Variants in CA10 observed in about 807,000 individuals in gnomAD.
CA10 encodes carbonic anhydrase 10 (inactive).
In CA10, 14 loss-of-function variants were observed where a neutral mutation model predicts 44.2. That is an observed-to-expected ratio of 0.32 (90% CI 0.21 to 0.50). CA10 has a LOEUF of 0.50. CA10 is among the 20% of genes least tolerant of loss of function. The pLI, the probability that CA10 is intolerant of heterozygous loss-of-function variation, is 0.99. For missense variants in CA10, 350 were observed against 409.7 expected, an observed-to-expected ratio of 0.85 and a Z score of 1.26; for synonymous variants, 159 against 141.6, an observed-to-expected ratio of 1.12 and a Z score of -0.87.
At chr17:51,792,150 G>A (rs56328387) in intron 3 of CA10, among the ~76,000 whole-genome samples, 28,786 of 152,128 alleles carry the variant, frequency 0.19, 3,213 homozygotes, top group Middle Eastern at 0.33. Context: ...TAGAAGAGAA[G>A]GATATTACTT....
Position 52,084,283 on chromosome 17 carries a change from T to C in CA10, c.62-11890A>G, listed in dbSNP as rs753712599. Among the ~76,000 whole-genome samples the C allele has an allele frequency of 1.1e-4, 16 of 152,244 alleles. No individual in the cohort carries two copies. In the South Asian group the frequency reaches 1.9e-3, roughly 18 times the overall value. On this transcript the variant is annotated intron_variant, in intron 1 of 8. Transcript: ENST00000451037. Reference sequence around the variant, plus strand: ...GGGACATAAAGCCACATGCAAACCATAGGAAAAGGCCAGGGCAGATTTATT... The same window carrying C: ...GGGACATAAAGCCACATGCAAACCACAGGAAAAGGCCAGGGCAGATTTATT...
At chr17:52,054,426 G>A (rs1376313275) in intron 2 of CA10, among the ~76,000 whole-genome samples, 2 of 152,060 alleles carry the variant, frequency 1.3e-5, no homozygotes, top group East Asian at 3.9e-4. Context: ...GACAATGCGT[G>A]CCCGAAACTT....
At chr17:51,779,989 G>A (rs1356885202) in intron 3 of CA10, among the ~76,000 whole-genome samples, 3 of 152,184 alleles carry the variant, frequency 2.0e-5, no homozygotes, top group Admixed American at 1.3e-4. Context: ...TGGATGCTGA[G>A]TGAGTAGTGT....
chr17:51,926,001 T>C (rs1982413628), intron 3 of CA10, among the ~76,000 whole-genome samples: 2 of 152,078 alleles, frequency 1.3e-5, no homozygotes, highest in Admixed American at 6.6e-5. Flanking sequence ...ATAAAAAAGT[T>C]ACAAAAATGC....
chr17:51,854,981 A>G (rs1978974468), intron 3 of CA10, among the ~76,000 whole-genome samples: 1 of 152,298 alleles, frequency 6.6e-6, no homozygotes, highest in Admixed American at 6.5e-5. Context: ...GTAACTCCAG[A>G]GTCAGTGCTC....
At chr17:51,896,118 T>C (rs1451093623) in intron 3 of CA10, among the ~76,000 whole-genome samples, 1 of 152,066 alleles carries the variant, frequency 6.6e-6, no homozygotes, top group Non-Finnish European at 1.5e-5. Context: ...GGTTCAGGGG[T>C]ACATGTGCAG....
chr17:51,970,094 A>G (rs1288440219), intron 2 of CA10, among the ~76,000 whole-genome samples: 1 of 152,010 alleles, frequency 6.6e-6, no homozygotes, highest in Non-Finnish European at 1.5e-5. Context: ...TTTTACTCCA[A>G]ATAGAATTTT....
intron 2 of CA10, among the ~76,000 whole-genome samples, chr17:52,037,015 G>C (rs1403948932): frequency 2.0e-5 from 3 of 152,112 alleles, no homozygotes. Flanking sequence ...GCATTCTAAG[G>C]TCTCCATTAT....
chr17:52,144,043 A>G (rs1989535308), intron 1 of CA10, among the ~76,000 whole-genome samples: 1 of 152,220 alleles, frequency 6.6e-6, no homozygotes, highest in African/African-American at 2.4e-5. Context: ...TTTAATTATC[A>G]TTTAAAGAAA....
intron 3 of CA10, 126 bp downstream of exon 3, chr17:51,930,864 T>C: frequency 1.8e-6 from 2 of 1,100,860 alleles, no homozygotes; most frequent in South Asian, 1.5e-5. Flanking sequence ...GCGGCAGGTC[T>C]GAAGTCTGTG....
intron 3 of CA10, among the ~76,000 whole-genome samples, chr17:51,796,822 C>G (rs1014613618): frequency 6.6e-6 from 1 of 152,144 alleles, no homozygotes; most frequent in South Asian, 2.1e-4. Context: ...TCACACAGAC[C>G]ACCCACAAGG....
chr17:52,147,330 A>G (rs888477931), intron 1 of CA10, among the ~76,000 whole-genome samples: 4 of 152,180 alleles, frequency 2.6e-5, no homozygotes, highest in African/African-American at 9.7e-5. Context: ...AGCACTGATC[A>G]AGAAAGAACA....
chr17:51,996,951 T>C (rs897197550), intron 2 of CA10, among the ~76,000 whole-genome samples: 1 of 152,114 alleles, frequency 6.6e-6, no homozygotes, highest in African/African-American at 2.4e-5. Context: ...AAGATGTTAA[T>C]AAATTTCTGA....
chr17:51,966,680 C>T (rs1305565501), intron 2 of CA10, among the ~76,000 whole-genome samples: 1 of 151,772 alleles, frequency 6.6e-6, no homozygotes, highest in Non-Finnish European at 1.5e-5. Context: ...GGACCCCTAC[C>T]TTTCACCATA....
intron 6 of CA10, among the ~76,000 whole-genome samples, chr17:51,638,362 G>A (rs555772737): frequency 6.6e-6 from 1 of 152,310 alleles, no homozygotes; most frequent in East Asian, 1.9e-4. Flanking sequence ...CCAACCCTAG[G>A]AGGAAGGACT....
chr17:51,988,814 C>G (rs1040389191), intron 2 of CA10, among the ~76,000 whole-genome samples: 1 of 151,570 alleles, frequency 6.6e-6, no homozygotes, highest in East Asian at 1.9e-4. Context: ...CTAGTATGCA[C>G]ATTGAAAAAA....
intron 1 of CA10, among the ~76,000 whole-genome samples, chr17:52,091,751 C>T (rs1598209971): frequency 6.6e-6 from 1 of 152,086 alleles, no homozygotes; most frequent in East Asian, 1.9e-4. Flanking sequence ...TTGCTGTATA[C>T]ACTAGAATTC....
At chr17:51,935,580 C>T (rs1982834111) in intron 2 of CA10, among the ~76,000 whole-genome samples, 1 of 152,180 alleles carries the variant, frequency 6.6e-6, no homozygotes, top group Admixed American at 6.5e-5. Context: ...TGCTGCATCA[C>T]AGCGATGTGT....
intron 3 of CA10, among the ~76,000 whole-genome samples, chr17:51,770,549 T>A (rs1905563851): frequency 6.6e-6 from 1 of 152,200 alleles, no homozygotes; most frequent in Non-Finnish European, 1.5e-5. Flanking sequence ...TCTCACTGAG[T>A]CATCACAGTA....
Sources: allele counts gnomAD v4.1 joint callset (sites outside exome capture counted in the v4.1 genomes callset), GRCh38; gene constraint gnomAD v4.1.1; transcripts MANE v1.5; gene names NCBI Gene and HGNC (gene_info 2026-07-23, HGNC 2026-07-21).